The following TMEM114 variants were observed in gnomAD, a reference collection of about 807,000 sequenced individuals.
The protein encoded by TMEM114 is claudin-26.
In TMEM114, 6 loss-of-function variants were observed where a neutral mutation model predicts 6.2. That is an observed-to-expected ratio of 0.97 (90% CI 0.53 to 1.91). The LOEUF (loss-of-function observed/expected upper bound fraction) is 1.91. Among genes scored for constraint, TMEM114 ranks in the 40% most tolerant of loss-of-function variants. The probability of loss-of-function intolerance (pLI) is 0.01; values close to 1 mark genes in which losing one functional copy is unlikely to be tolerated. For synonymous variants in TMEM114, 104 were observed against 73.0 expected (o/e 1.42, Z -2.16); for missense variants, 218 against 158.3 (o/e 1.38, Z -2.02).
At chr16:8,577,387 T>A (rs937835707) in intron 2 of TMEM114, among the ~76,000 whole-genome samples, 3 of 152,178 alleles carry the variant, frequency 2.0e-5, no homozygotes, top group Admixed American at 1.3e-4. Context: ...TCCCTGTTGA[T>A]GTTCTTGGGA....
rs150813017 is a variant in TMEM114 at position 8,570,436 on chromosome 16, A to C, written c.440-431T>G. On this transcript the variant is annotated intron_variant, in intron 3 of 3. Transcript: ENST00000620492. ...AACCTCCACCTCCCGGGTTCAAGCT[A>C]TTCTCCTGCCTCAGCCTCCTGAGTA... Among the ~76,000 whole-genome samples, 916 of 152,152 alleles carry C rather than the reference A, an allele frequency of 6.0e-3. 10 individuals carry two copies. Among genetic ancestry groups the C allele is most frequent in the South Asian group, 0.011 (53 of 4,818 alleles).
downstream of TMEM114, among the ~76,000 whole-genome samples, chr16:8,567,741 G>A (rs367693438): frequency 6.1e-4 from 93 of 152,300 alleles, no homozygotes; most frequent in South Asian, 0.019. Context: ...TGGGCGCTAG[G>A]AGGGCTGAAA....
At chr16:8,562,146 T>G (rs1020890415) in intron 2 of TMEM114, among the ~76,000 whole-genome samples, 119 of 105,018 alleles carry the variant, frequency 1.1e-3, no homozygotes, top group East Asian at 1.7e-3. Context: ...ATGAGTGAGT[T>G]AGTGAATAAG....
intron 2 of TMEM114, among the ~76,000 whole-genome samples, chr16:8,553,788 G>C (rs1001189040): frequency 2.0e-5 from 3 of 151,690 alleles, no homozygotes; most frequent in Admixed American, 1.3e-4. Context: ...CCCAATCTCA[G>C]CTTTTCAAGT....
chr16:8,580,884 G>A (rs149722418), intron 2 of TMEM114, among the ~76,000 whole-genome samples: 14 of 152,178 alleles, frequency 9.2e-5, no homozygotes, highest in African/African-American at 2.7e-4. Context: ...TAGAGACAGC[G>A]TTTCACCATG....
At position 8,572,132 on chromosome 16, in the gene TMEM114, C is replaced by T. The variant is rs1442553138; in HGVS notation, c.394G>A (p.Ala132Thr). Residue 132 changes from alanine (A) to threonine (T), a missense_variant, in exon 3 of 4, where the codon GCC (alanine) becomes ACC (threonine). Transcript: ENST00000620492. Reference sequence around the variant, plus strand: ...CCAGTGAGCAGGAGGAGGAGGTAGGCTTGGAGGAGGAAGCTCAGAAACCCC... The same window carrying T: ...CCAGTGAGCAGGAGGAGGAGGTAGGTTTGGAGGAGGAAGCTCAGAAACCCC... Reference protein sequence around the residue: ...MTGFLSFLLQAYLLLLLTGIL... With the variant: ...MTGFLSFLLQTYLLLLLTGIL... The T allele has an allele frequency of 3.2e-6, 5 of 1,551,500 alleles. No individual in the cohort carries two copies. The highest frequency in any genetic ancestry group is 4.4e-6 in the Non-Finnish European group (5 of 1,146,926).
chr16:8,539,641 G>A (rs1400145168), intron 2 of TMEM114, among the ~76,000 whole-genome samples: 2 of 152,098 alleles, frequency 1.3e-5, no homozygotes, highest in Non-Finnish European at 2.9e-5. Flanking sequence ...CACTCTGCGT[G>A]CAACTGGCCC....
intron 1 of TMEM114, among the ~76,000 whole-genome samples, 154 bp from the exon 2 acceptor site, chr16:8,589,447 G>C (rs1484510096): frequency 6.6e-6 from 1 of 152,196 alleles, no homozygotes; most frequent in Admixed American, 6.5e-5. Flanking sequence ...GGTGCCTCTC[G>C]GAAGGGTTTT....
chr16:8,570,131 C>T (rs1340288296), intron 3 of TMEM114, 126 bp from the exon 4 acceptor site: 1 of 1,299,178 alleles, frequency 7.7e-7, no homozygotes, highest in East Asian at 2.6e-5. Flanking sequence ...TGCTGCGGGA[C>T]CTTTGCGCGT....
Position 8,564,301 on chromosome 16 carries a change from G to C in TMEM114, n.212+24912C>G, listed in dbSNP as rs1197015915. On this transcript the variant is annotated intron_variant and non_coding_transcript_variant, in intron 2 of 2. Transcript: ENST00000623677. ...AATGAGTGATGAAATAAGTGAATGA[G>C]TGATGAAATAAGTGAATGAGTGAGT... is the stretch of plus-strand genomic sequence containing the variant. Among the ~76,000 whole-genome samples, 36 of 102,812 alleles carry C rather than the reference G, an allele frequency of 3.5e-4. 1 individual carries two copies. Among genetic ancestry groups the C allele is most frequent in the Non-Finnish European group, 6.2e-4 (30 of 48,742 alleles). 67.4% of individuals were successfully genotyped at this position (102,812 alleles called of 152,430 possible).
intron 2 of TMEM114, among the ~76,000 whole-genome samples, chr16:8,553,631 G>C (rs144750016): frequency 1.3e-5 from 2 of 151,762 alleles, no homozygotes; most frequent in Non-Finnish European, 2.9e-5. Flanking sequence ...GACTGCCGGC[G>C]CCTGCCATCA....
chr16:8,580,792 A>C (rs958887695), intron 2 of TMEM114, among the ~76,000 whole-genome samples: 13 of 152,012 alleles, frequency 8.6e-5, no homozygotes, highest in Non-Finnish European at 1.5e-5. Context: ...CCCAGGCTCA[A>C]GCAACCCCCG....
rs1472889747 is a variant in TMEM114, at chr16:8,546,254, T to G, written n.213-8428A>C. 5.2e-5 allele frequency among the ~76,000 whole-genome samples: 8 copies of G among 152,396 alleles called. No homozygotes were observed. In the South Asian group the frequency reaches 1.4e-3, roughly 28 times the overall value. On this transcript the variant is annotated intron_variant and non_coding_transcript_variant, in intron 2 of 2. Coordinates refer to the TMEM114 transcript ENST00000623677. ...ATTGTGTATACTTTATAGAATTTCT[T>G]AACTCATTTCAAACTGGTAAGTAAA... is the stretch of plus-strand genomic sequence containing the variant.
chr16:8,563,270 T>A (rs1901349114), intron 2 of TMEM114, among the ~76,000 whole-genome samples: 1 of 150,862 alleles, frequency 6.6e-6, no homozygotes, highest in Non-Finnish European at 1.5e-5. Context: ...AATGAGTCAG[T>A]GAATGAGTGA....
chr16:8,542,747 T>A (rs59699362), intron 2 of TMEM114, among the ~76,000 whole-genome samples: 1,932 of 152,186 alleles, frequency 0.013, 41 homozygotes, highest in African/African-American at 0.045. Flanking sequence ...CTGGGGTTAG[T>A]GGGTTATCTG....
downstream of TMEM114, among the ~76,000 whole-genome samples, chr16:8,535,625 C>T (rs1370858840): frequency 6.6e-6 from 1 of 152,080 alleles, no homozygotes; most frequent in Non-Finnish European, 1.5e-5. Context: ...AAAAGGATTT[C>T]CAAACTGTAG....
chr16:8,579,399 G>C, intron 2 of TMEM114, among the ~76,000 whole-genome samples: 1 of 152,294 alleles, frequency 6.6e-6, no homozygotes, highest in African/African-American at 2.4e-5. Flanking sequence ...ACTTCTGGAA[G>C]AGCTCAGAGC....
chr16:8,589,487 C>G, intron 1 of TMEM114, 132 bp downstream of exon 1: 1 of 398,078 alleles, frequency 2.5e-6, no homozygotes, highest in East Asian at 3.6e-5. Flanking sequence ...TCACCTTCCC[C>G]CCGAGTCCCT....
chr16:8,562,620 GT>G (rs1901295206), intron 2 of TMEM114, among the ~76,000 whole-genome samples: 2 of 150,806 alleles, frequency 1.3e-5, no homozygotes, highest in African/African-American at 4.9e-5. Context: ...GAATGAGTGA[GT>G]GAGTGAATGA....
Sources: allele counts gnomAD v4.1 joint callset (sites outside exome capture counted in the v4.1 genomes callset), GRCh38; gene constraint gnomAD v4.1.1; transcripts MANE v1.5; gene names NCBI Gene and HGNC (gene_info 2026-07-23, HGNC 2026-07-21).